The following CDC42BPA variants were observed in gnomAD, a reference collection of about 807,000 sequenced individuals.
CDC42BPA encodes the protein serine/threonine-protein kinase MRCK alpha.
In CDC42BPA, 80 loss-of-function variants were observed where a neutral mutation model predicts 223.5. The observed-to-expected ratio is 0.36, with a 90% confidence interval of 0.30 to 0.43. The LOEUF (loss-of-function observed/expected upper bound fraction) is 0.43, where lower values mean the gene tolerates loss of function less well. CDC42BPA is among the 20% of genes least tolerant of loss of function. The pLI is 1.00. For synonymous variants in CDC42BPA, 694 were observed against 718.6 expected, an observed-to-expected ratio of 0.97 and a Z score of 0.55; for missense variants, 1,743 against 2,099.9, an observed-to-expected ratio of 0.83 and a Z score of 3.32.
At chr1:227,067,920 G>C (rs1238541113) in intron 21 of CDC42BPA, among the ~76,000 whole-genome samples, 1 of 152,058 alleles carries the variant, frequency 6.6e-6, no homozygotes, top group Non-Finnish European at 1.5e-5. Context: ...GATAATAAAT[G>C]CTTTAGGACA....
Position 227,145,688 on chromosome 1 carries a change from T to G in CDC42BPA, c.944A>C (p.Lys315Thr). Residue 315 changes from lysine (K) to threonine (T), a missense_variant, in exon 8 of 37, where the codon AAG (lysine) becomes ACG (threonine). Transcript: ENST00000366766. The stretch of plus-strand genomic sequence containing the variant: ...ACAAATGAGCCTTCGAATAAGATCC[T>G]TAGCATTTTCAGACACATCAGTCAC... ...AQVTDVSENA[K>T]DLIRRLICSR... 6.2e-7 allele frequency: 1 copy of G among 1,613,630 alleles called. No individual in the cohort carries two copies. The highest frequency in any genetic ancestry group is 8.5e-7 in the Non-Finnish European group (1 of 1,179,632).
At chr1:227,173,878 T>C (rs570146484) in intron 5 of CDC42BPA, among the ~76,000 whole-genome samples, 1 of 152,236 alleles carries the variant, frequency 6.6e-6, no homozygotes, top group South Asian at 2.1e-4. Flanking sequence ...TAAGAGGTGG[T>C]TTTGGGAACC....
chr1:227,293,733 C>T (rs775967634), intron 1 of CDC42BPA, among the ~76,000 whole-genome samples: 2 of 152,078 alleles, frequency 1.3e-5, no homozygotes, highest in Non-Finnish European at 2.9e-5. Flanking sequence ...ATCGCCTGAA[C>T]CTGGGAGGTG....
At chr1:227,062,977 T>C (rs186609796) in intron 21 of CDC42BPA, among the ~76,000 whole-genome samples, 1 of 152,176 alleles carries the variant, frequency 6.6e-6, no homozygotes, top group Non-Finnish European at 1.5e-5. Flanking sequence ...GAAACTATCT[T>C]TGAAAATGAA....
intron 12 of CDC42BPA, among the ~76,000 whole-genome samples, chr1:227,115,515 CAAA>C (rs11355371): frequency 0.13 from 19,489 of 144,990 alleles, 1,332 homozygotes; most frequent in East Asian, 0.27. Flanking sequence ...ACCAGGTAGG[CAAA>C]AAAAAAAAAA....
intron 35 of CDC42BPA, among the ~76,000 whole-genome samples, chr1:226,995,295 C>T (rs1483413164): frequency 2.6e-5 from 4 of 152,224 alleles, no homozygotes; most frequent in Non-Finnish European, 4.4e-5. Context: ...CCTGGTGCTG[C>T]CTTGCACATC....
intron 2 of CDC42BPA, among the ~76,000 whole-genome samples, chr1:227,230,308 C>T (rs1259607262): frequency 2.6e-5 from 4 of 152,242 alleles, no homozygotes; most frequent in African/African-American, 4.8e-5. Flanking sequence ...GTAATATAAG[C>T]AAAAGTGTCA....
Position 227,026,145 on chromosome 1 carries a change from A to C in CDC42BPA, c.4440T>G (p.Asn1480Lys). ...WPANPSSCCY[N>K]APYLSVYSEN... ...CACTGTACACCGAGAGATATGGTGC[A>C]TTGTAACCTGGGAGAAGGGAAGGGG... Residue 1480 changes from asparagine to lysine, a missense_variant, in exon 31 of 37, where the codon AAT (asparagine) becomes AAG (lysine). Transcript: ENST00000366766. 6.3e-7 allele frequency: 1 copy of C among 1,588,374 alleles called. No individual in the cohort carries two copies. Among genetic ancestry groups the C allele is most frequent in the South Asian group, 1.1e-5 (1 of 88,390 alleles).
intron 1 of CDC42BPA, among the ~76,000 whole-genome samples, chr1:227,284,135 T>C (rs1688447771): frequency 1.3e-5 from 2 of 152,230 alleles, no homozygotes; most frequent in African/African-American, 4.8e-5. Flanking sequence ...AACTATCTTC[T>C]ATTAATGCTT....
chr1:227,111,517 C>A (rs955982826), intron 14 of CDC42BPA, among the ~76,000 whole-genome samples: 1 of 152,112 alleles, frequency 6.6e-6, no homozygotes, highest in Non-Finnish European at 1.5e-5. Flanking sequence ...GACGGAGTTT[C>A]GCTCTTGCCC....
At chr1:227,062,413 T>G (rs1246918507) in intron 21 of CDC42BPA, among the ~76,000 whole-genome samples, 11 of 152,236 alleles carry the variant, frequency 7.2e-5, no homozygotes. Context: ...TTCTTTGTAT[T>G]CCCATGATAT....
rs1302291274 is a variant in CDC42BPA, at chr1:227,168,497, G to GTGTTTTGTTTTTTTTT, written c.600-7862_600-7861insAAAAAAAAACAAAACA. Among the ~76,000 whole-genome samples the GTGTTTTGTTTTTTTTT allele has an allele frequency of 1.0e-4, 8 of 80,196 alleles. 1 individual carries two copies. Among genetic ancestry groups the GTGTTTTGTTTTTTTTT allele is most frequent in the Admixed American group, 3.1e-4 (2 of 6,516 alleles). 52.6% of individuals were successfully genotyped at this position (80,196 alleles called of 152,430 possible). ...CTTTTTCATATTTATCTTCCCTGGT[G>GTGTTTTGTTTTTTTTT]TTTTTTTTTTTTTTTTGAGGCAGAG... is the stretch of plus-strand genomic sequence containing the variant. On this transcript the variant is annotated intron_variant, in intron 5 of 36. Coordinates refer to ENST00000366766, the MANE Select transcript of CDC42BPA (RefSeq NM_001394014.1).
chr1:227,063,499 G>C (rs1490068620), intron 21 of CDC42BPA, among the ~76,000 whole-genome samples: 1 of 151,886 alleles, frequency 6.6e-6, no homozygotes, highest in Non-Finnish European at 1.5e-5. Flanking sequence ...TTTCTCTTTA[G>C]ATTGTCTAAA....
chr1:227,227,276 G>C (rs976750952), intron 2 of CDC42BPA, among the ~76,000 whole-genome samples: 1 of 152,026 alleles, frequency 6.6e-6, no homozygotes, highest in Admixed American at 6.6e-5. Flanking sequence ...AGTAAGGAAC[G>C]TAAGAAACAA....
rs545451537 is a variant in CDC42BPA at position 227,006,569 on chromosome 1, C to A, written c.4858-1458G>T. Among the ~76,000 whole-genome samples, 3 of 152,178 alleles carry A rather than the reference C, an allele frequency of 2.0e-5. No homozygotes were observed. The East Asian group carries it at 5.8e-4, about 29-fold the overall frequency. ...CCAGTCCCACTATGTGCCTTTCTTT[C>A]CTCATGAGTATGAGTAACAACCTCA... On this transcript the variant is annotated intron_variant, in intron 34 of 36. Coordinates refer to ENST00000366766, the MANE Select transcript of CDC42BPA (RefSeq NM_001394014.1).
chr1:227,068,590 C>G (rs934820983), intron 21 of CDC42BPA: 2 of 773,648 alleles, frequency 2.6e-6, no homozygotes, highest in African/African-American at 1.9e-5. Flanking sequence ...TAGGCAAATT[C>G]TTCAAATCAA....
chr1:227,305,972 C>T (rs572632465), intron 1 of CDC42BPA, among the ~76,000 whole-genome samples: 4 of 152,058 alleles, frequency 2.6e-5, no homozygotes, highest in African/African-American at 9.6e-5. Context: ...TCTCAAAAAA[C>T]TAAATAAATA....
At chr1:227,072,341 T>C in intron 19 of CDC42BPA, 42 bp from the exon 20 acceptor site, 1 of 1,231,072 alleles carries the variant, frequency 8.1e-7, no homozygotes, top group Non-Finnish European at 1.2e-6. Flanking sequence ...TTAATTTTTA[T>C]TGCTGGTTAG....
chr1:227,027,406 T>C (rs1668469156), intron 30 of CDC42BPA, among the ~76,000 whole-genome samples: 1 of 152,152 alleles, frequency 6.6e-6, no homozygotes. Context: ...TTGTTACAAA[T>C]GAAGAGGTTT....
Sources: allele counts gnomAD v4.1 joint callset (sites outside exome capture counted in the v4.1 genomes callset), GRCh38; gene constraint gnomAD v4.1.1; transcripts MANE v1.5; gene names NCBI Gene and HGNC (gene_info 2026-07-23, HGNC 2026-07-21).